The following PARD3B variants were observed in gnomAD, a reference collection of about 807,000 sequenced individuals.
PARD3B encodes par-3 family cell polarity regulator beta.
A neutral mutation model predicts 130.2 loss-of-function variants in PARD3B; 103 were observed. The ratio of observed to expected loss-of-function variants is 0.79; its 90% CI spans 0.67 to 0.93. PARD3B has a LOEUF of 0.93. Among genes scored for constraint, PARD3B ranks in the 40% least tolerant of loss-of-function variants. The pLI, the probability that PARD3B is intolerant of heterozygous loss-of-function variation, is 0.00. For missense variants in PARD3B, 1,609 were observed against 1,499.2 expected (o/e 1.07, Z -1.21); for synonymous variants, 583 against 553.2 (o/e 1.05, Z -0.76).
intron 2 of PARD3B, among the ~76,000 whole-genome samples, chr2:204,923,184 T>C (rs1391198673): frequency 6.6e-6 from 1 of 152,120 alleles, no homozygotes; most frequent in African/African-American, 2.4e-5. Flanking sequence ...TGACAATATC[T>C]GAATGATTAT....
intron 5 of PARD3B, among the ~76,000 whole-genome samples, chr2:205,107,451 G>C (rs1296464058): frequency 5.9e-5 from 9 of 152,184 alleles, no homozygotes; most frequent in Non-Finnish European, 1.3e-4. Flanking sequence ...ATGAGATATA[G>C]TACAGACAAC....
intron 3 of PARD3B, among the ~76,000 whole-genome samples, chr2:205,003,637 T>G (rs1460961151): frequency 1.3e-5 from 2 of 152,218 alleles, no homozygotes; most frequent in African/African-American, 2.4e-5. Context: ...CGTATCCACA[T>G]CTAACATAGG....
chr2:204,562,127 C>T lies in PARD3B; in HGVS notation c.120+16008C>T, dbSNP rs2031357362. ...ACAAAAGTTTCAGGAGAGTACTTAC[C>T]TTTGCTGTGAATGATGCCCTCAGAT... On this transcript the variant is annotated intron_variant, in intron 1 of 22. Transcript: ENST00000406610. Among the ~76,000 whole-genome samples, 3 of 152,144 alleles carry T rather than the reference C, an allele frequency of 2.0e-5. No homozygotes were observed. In the South Asian group the frequency reaches 6.2e-4, roughly 32 times the overall value.
At chr2:204,853,568 T>G (rs550330551) in intron 2 of PARD3B, among the ~76,000 whole-genome samples, 1 of 152,204 alleles carries the variant, frequency 6.6e-6, no homozygotes, top group Non-Finnish European at 1.5e-5. Flanking sequence ...GAACTTCTTA[T>G]ATACACAAGC....
At chr2:205,495,123 T>C (rs2049878038) in intron 20 of PARD3B, among the ~76,000 whole-genome samples, 1 of 152,166 alleles carries the variant, frequency 6.6e-6, no homozygotes, top group East Asian at 1.9e-4. Context: ...TGGGAATTTG[T>C]TGCTGTAGGT....
At chr2:204,781,607 C>T (rs1261194844) in intron 2 of PARD3B, among the ~76,000 whole-genome samples, 1 of 152,042 alleles carries the variant, frequency 6.6e-6, no homozygotes, top group Non-Finnish European at 1.5e-5. Context: ...GCAATAATTG[C>T]TTTCCATTGT....
chr2:205,333,559 G>A (rs1255309654), intron 18 of PARD3B, among the ~76,000 whole-genome samples: 1 of 152,108 alleles, frequency 6.6e-6, no homozygotes, highest in Non-Finnish European at 1.5e-5. Context: ...GGAGGATATA[G>A]GGACACAGCC....
intron 1 of PARD3B, among the ~76,000 whole-genome samples, chr2:204,582,113 G>T (rs1449700058): frequency 6.6e-6 from 1 of 152,074 alleles, no homozygotes; most frequent in African/African-American, 2.4e-5. Flanking sequence ...TGTTCTTCTC[G>T]AATGTTCCCA....
rs62171552 is a variant in PARD3B at position 205,470,417 on chromosome 2, A to G, written c.3045-29479A>G. Among the ~76,000 whole-genome samples, 912 of 152,262 alleles carry G rather than the reference A, an allele frequency of 6.0e-3. 3 individuals are homozygous for G. Among genetic ancestry groups the G allele is most frequent in the Non-Finnish European group, 9.7e-3 (659 of 68,018 alleles). ...AATTTCTTTGTTAACCACAGTGCCC[A>G]TGTATCCACTGTCAGATGACTCCCT... On this transcript the variant is annotated intron_variant, in intron 20 of 22. Coordinates refer to ENST00000406610, the MANE Select transcript of PARD3B (RefSeq NM_001302769.2). This position sits in a 1 kb window ranked among gnomAD's most constrained non-coding sequence, Gnocchi z 4.8.
intron 2 of PARD3B, among the ~76,000 whole-genome samples, chr2:204,717,775 G>C (rs2038800858): frequency 6.6e-6 from 1 of 152,152 alleles, no homozygotes; most frequent in African/African-American, 2.4e-5. Context: ...GATGTGACGT[G>C]GAAGAGGTGG....
At chr2:205,518,809 A>C (rs2050902414) in intron 21 of PARD3B, among the ~76,000 whole-genome samples, 1 of 152,164 alleles carries the variant, frequency 6.6e-6, no homozygotes, top group Non-Finnish European at 1.5e-5. Flanking sequence ...GCTTATCTGA[A>C]AAGGATCTTA....
chr2:205,393,478 T>G (rs547199486), intron 18 of PARD3B, among the ~76,000 whole-genome samples: 1 of 152,282 alleles, frequency 6.6e-6, no homozygotes, highest in African/African-American at 2.4e-5. Flanking sequence ...GATGTTGCAG[T>G]TTTTTCCAAA....
At chr2:205,476,717 G>C (rs1266216410) in intron 20 of PARD3B, among the ~76,000 whole-genome samples, 14 of 152,106 alleles carry the variant, frequency 9.2e-5, no homozygotes, top group Admixed American at 5.2e-4. Flanking sequence ...TGAAAGTAAA[G>C]TTTTGGTTCC....
intron 21 of PARD3B, among the ~76,000 whole-genome samples, chr2:205,547,866 C>T (rs1039130041): frequency 1.1e-4 from 17 of 152,114 alleles, no homozygotes; most frequent in African/African-American, 3.6e-4. Flanking sequence ...AGTACATTGG[C>T]TGCAAGGGAA....
chr2:204,807,171 A>T (rs908616159), intron 2 of PARD3B, among the ~76,000 whole-genome samples: 1 of 152,140 alleles, frequency 6.6e-6, no homozygotes, highest in African/African-American at 2.4e-5. Context: ...CCGTGATTCA[A>T]TTACCTCTAC....
At chr2:204,725,874 A>G (rs1266164913) in intron 2 of PARD3B, among the ~76,000 whole-genome samples, 1 of 152,204 alleles carries the variant, frequency 6.6e-6, no homozygotes, top group Non-Finnish European at 1.5e-5. Flanking sequence ...CCAATGTCAC[A>G]TAGCTGCTGA....
chr2:204,782,153 T>C (rs1372182934), intron 2 of PARD3B, among the ~76,000 whole-genome samples: 2 of 152,088 alleles, frequency 1.3e-5, no homozygotes, highest in African/African-American at 2.4e-5. Context: ...GCCAGAATGC[T>C]GATCAGCCTA....
intron 5 of PARD3B, among the ~76,000 whole-genome samples, chr2:205,107,780 CA>C (rs1441115144): frequency 1.3e-5 from 2 of 152,174 alleles, no homozygotes; most frequent in African/African-American, 4.8e-5. Context: ...AATAGTTTTA[CA>C]ATATGCATCT....
At chr2:204,686,025 T>G (rs948932144) in intron 1 of PARD3B, among the ~76,000 whole-genome samples, 156 bp from the exon 2 acceptor site, 4 of 152,208 alleles carry the variant, frequency 2.6e-5, no homozygotes, top group Non-Finnish European at 4.4e-5. Flanking sequence ...GCCAAGTATT[T>G]TTTTCCAAAT....
Sources: gnomAD v4.1 joint callset for allele counts (sites outside exome capture counted in the v4.1 genomes callset) on GRCh38, gnomAD v4.1.1 for gene constraint, Gnocchi (gnomAD v3.1) non-coding constraint, MANE v1.5 for transcripts, NCBI Gene and HGNC (gene_info 2026-07-23, HGNC 2026-07-21) for gene names.